Variants in MAML2 observed in about 807,000 individuals in gnomAD.
MAML2 encodes mastermind like transcriptional coactivator 2.
MAML2 carries 22 observed loss-of-function variants against 96.1 expected under a neutral mutation model. That is an observed-to-expected ratio of 0.23 (90% confidence interval 0.16 to 0.33). The LOEUF is 0.33. Ranked by LOEUF, MAML2 falls within the 10% of genes least tolerant of loss-of-function variation. The pLI is 1.00. For missense variants in MAML2, 1,367 were observed against 1,392.4 expected (o/e 0.98, Z 0.29); for synonymous variants, 561 against 521.3 (o/e 1.08, Z -1.04).
intron 1 of MAML2, among the ~76,000 whole-genome samples, chr11:96,173,895 A>G (rs1347681816): frequency 6.6e-6 from 1 of 152,248 alleles, no homozygotes; most frequent in Non-Finnish European, 1.5e-5. Flanking sequence ...TTTATTTTTC[A>G]GAAGTATGGC....
At chr11:96,054,925 A>G (rs748046526) in intron 2 of MAML2, among the ~76,000 whole-genome samples, 1 of 152,184 alleles carries the variant, frequency 6.6e-6, no homozygotes, top group Non-Finnish European at 1.5e-5. Flanking sequence ...ATTTCACTCT[A>G]CCTGGGGCCT....
chr11:95,986,346 C>T lies in MAML2; in HGVS notation c.2344-704G>A, dbSNP rs533214807. Among the ~76,000 whole-genome samples the T allele has an allele frequency of 1.5e-4, 23 of 151,918 alleles. 2 individuals are homozygous for T. In the South Asian group the frequency reaches 3.8e-3, roughly 25 times the overall value. ...CTGAGCCCCTGGGATTACAGGTGCC[C>T]GCCATCACGCCCAGCAAATTTTTGT... On this transcript the variant is annotated intron_variant, in intron 3 of 4. Transcript: ENST00000524717.
At chr11:96,276,277 C>G (rs558272932) in intron 1 of MAML2, among the ~76,000 whole-genome samples, 9 of 152,134 alleles carry the variant, frequency 5.9e-5, no homozygotes, top group Non-Finnish European at 1.2e-4. Flanking sequence ...GAGAGGAAGG[C>G]TATGCACATT....
At chr11:96,211,436 T>A (rs1861969602) in intron 1 of MAML2, among the ~76,000 whole-genome samples, 1 of 139,214 alleles carries the variant, frequency 7.2e-6, no homozygotes, top group Non-Finnish European at 1.5e-5. Context: ...TGTGATAGGG[T>A]CTTTGAAATT....
chr11:96,291,526 G>T (rs929095069), intron 1 of MAML2, among the ~76,000 whole-genome samples: 1 of 152,086 alleles, frequency 6.6e-6, no homozygotes, highest in African/African-American at 2.4e-5. Flanking sequence ...GTAAATCTTA[G>T]TTCATGTGAC....
chr11:96,013,783 C>T (rs1343228862), intron 2 of MAML2, among the ~76,000 whole-genome samples: 1 of 152,194 alleles, frequency 6.6e-6, no homozygotes, highest in Non-Finnish European at 1.5e-5. Flanking sequence ...GAAAGAGCAT[C>T]TTCCTTCTGG....
intron 1 of MAML2, among the ~76,000 whole-genome samples, chr11:96,284,446 C>T (rs1863111857): frequency 6.6e-6 from 1 of 152,172 alleles, no homozygotes; most frequent in Non-Finnish European, 1.5e-5. Context: ...TTTCATCTTT[C>T]CAAGTTAACA....
chr11:96,020,165 T>G (rs1460522263), intron 2 of MAML2, among the ~76,000 whole-genome samples: 1 of 152,154 alleles, frequency 6.6e-6, no homozygotes, highest in Non-Finnish European at 1.5e-5. Context: ...GGACCCTTAC[T>G]TCACTTCTAA....
At chr11:96,011,105 T>A (rs564401681) in intron 2 of MAML2, among the ~76,000 whole-genome samples, 107 of 152,312 alleles carry the variant, frequency 7.0e-4, no homozygotes, top group Non-Finnish European at 1.3e-3. Context: ...GAAAAGGGAA[T>A]GCTTATGCAC....
intron 1 of MAML2, among the ~76,000 whole-genome samples, chr11:96,181,395 G>A (rs951639624): frequency 2.1e-5 from 3 of 146,210 alleles, no homozygotes; most frequent in South Asian, 2.1e-4. Flanking sequence ...TCTCCAGATC[G>A]AGACTATTTT....
chr11:96,289,366 A>C (rs1863180541), intron 1 of MAML2, among the ~76,000 whole-genome samples: 1 of 152,196 alleles, frequency 6.6e-6, no homozygotes. Context: ...TCTTATTGTC[A>C]AGGAACAGAT....
intron 1 of MAML2, among the ~76,000 whole-genome samples, chr11:96,168,838 G>A (rs927440378): frequency 1.3e-5 from 2 of 152,170 alleles, no homozygotes; most frequent in African/African-American, 4.8e-5. Flanking sequence ...GAGTCATAAA[G>A]TTGTGCTGGC....
chr11:96,273,089 C>T (rs560829861), intron 1 of MAML2, among the ~76,000 whole-genome samples: 3 of 152,206 alleles, frequency 2.0e-5, no homozygotes, highest in African/African-American at 7.2e-5. Context: ...AAAGTTCCTA[C>T]GTAATGCTGA....
chr11:96,254,238 C>T (rs546579899), intron 1 of MAML2, among the ~76,000 whole-genome samples: 1 of 152,176 alleles, frequency 6.6e-6, no homozygotes, highest in East Asian at 1.9e-4. Flanking sequence ...AGAAAGAGTT[C>T]TAAAGTAAGT....
At chr11:96,319,002 G>A (rs1055958742) in intron 1 of MAML2, among the ~76,000 whole-genome samples, 44 of 152,288 alleles carry the variant, frequency 2.9e-4, no homozygotes, top group African/African-American at 1.0e-3. Flanking sequence ...TGGCCTATGT[G>A]ACCAGTAGAA....
At chr11:96,148,691 CACACACACACACACACAT>C (rs1403877283) in intron 1 of MAML2, among the ~76,000 whole-genome samples, 5 of 149,728 alleles carry the variant, frequency 3.3e-5, no homozygotes, top group African/African-American at 1.2e-4. Flanking sequence ...CACACACACA[CACACACACACACACACAT>C]AAGCACGCAC....
At chr11:96,231,055 T>C (rs537405709) in intron 1 of MAML2, among the ~76,000 whole-genome samples, 1 of 148,856 alleles carries the variant, frequency 6.7e-6, no homozygotes, top group East Asian at 2.0e-4. Context: ...AGCGAATAGA[T>C]GTGAATGAGA....
At chr11:96,155,050 G>A (rs1256925697) in intron 1 of MAML2, among the ~76,000 whole-genome samples, 2 of 152,130 alleles carry the variant, frequency 1.3e-5, no homozygotes, top group African/African-American at 4.8e-5. Context: ...ATTCCACGCG[G>A]TAAGTCTCAT....
chr11:96,205,442 G>A (rs529111984), intron 1 of MAML2, among the ~76,000 whole-genome samples: 1 of 152,268 alleles, frequency 6.6e-6, no homozygotes, highest in Non-Finnish European at 1.5e-5. Context: ...TGCACTTGGG[G>A]TACAAATATA....
Sources: gnomAD v4.1 joint callset for allele counts (sites outside exome capture counted in the v4.1 genomes callset) on GRCh38, gnomAD v4.1.1 for gene constraint, MANE v1.5 for transcripts, NCBI Gene and HGNC (gene_info 2026-07-23, HGNC 2026-07-21) for gene names.